The following RCBTB1 variants were observed in gnomAD, a reference collection of about 807,000 sequenced individuals.
RCBTB1 encodes RCC1 and BTB domain-containing protein 1.
Under a neutral mutation model 62.4 loss-of-function variants are expected in RCBTB1, and 46 were observed. The ratio of observed to expected loss-of-function variants is 0.74; its 90% CI spans 0.58 to 0.94. The LOEUF is 0.94. Ranked by LOEUF, RCBTB1 falls within the 40% of genes least tolerant of loss-of-function variation. RCBTB1 has a pLI of 0.00. For missense variants in RCBTB1, 565 were observed against 654.9 expected (o/e 0.86, Z 1.50); for synonymous variants, 222 against 245.8 (o/e 0.90, Z 0.91).
In RCBTB1 at chr13:49,559,978, C is replaced by T. The variant is rs775631456; in HGVS notation, c.384G>A (p.Lys128=). Residue 128 remains lysine, a synonymous_variant, in exon 5 of 13, where the codon AAG becomes AAA. Transcript: ENST00000378302. ...PVQVCTNLLI[K]QVVEVACGSH... Reference sequence around the variant, plus strand: ...AGCCACAAGCTACTTCCACCACTTGCTTGATCAAGAGATTGGTACAGACCT... The same window carrying T: ...AGCCACAAGCTACTTCCACCACTTGTTTGATCAAGAGATTGGTACAGACCT... 1 of 1,614,190 alleles carries T rather than the reference C, an allele frequency of 6.2e-7. No homozygotes were observed. Among genetic ancestry groups the T allele is most frequent in the South Asian group, 1.1e-5 (1 of 91,082 alleles).
intron 4 of RCBTB1, among the ~76,000 whole-genome samples, chr13:49,565,277 G>A (rs892118115): frequency 3.2e-4 from 49 of 152,300 alleles, no homozygotes; most frequent in African/African-American, 8.4e-4. Flanking sequence ...TCGGCCTCCC[G>A]AGGTGCCGAG....
chr13:49,575,456 G>GT (rs1164123701), intron 2 of RCBTB1, among the ~76,000 whole-genome samples: 1 of 149,098 alleles, frequency 6.7e-6, no homozygotes, highest in African/African-American at 2.5e-5. Flanking sequence ...AAATGCACCT[G>GT]TATGTTCATC....
rs1358944881 is a variant in RCBTB1, at chr13:49,559,886, A to G, written c.444+32T>C. On this transcript the variant is annotated intron_variant, in intron 5 of 12. Coordinates refer to ENST00000378302, the MANE Select transcript of RCBTB1 (RefSeq NM_018191.4). ...AGTGTATTTACTATGATGAAAAAAA[A>G]AAAGAATAAAGAATAAAAGCAGCAT... is the stretch of plus-strand genomic sequence containing the variant. 5 of 1,580,136 alleles carry G rather than the reference A, an allele frequency of 3.2e-6. No homozygotes were observed. In the African/African-American group the frequency reaches 6.9e-5, roughly 22 times the overall value.
intron 5 of RCBTB1, among the ~76,000 whole-genome samples, chr13:49,557,528 G>C (rs1962027626): frequency 6.6e-6 from 1 of 151,866 alleles, no homozygotes; most frequent in African/African-American, 2.4e-5. Context: ...AAATAAAATA[G>C]ACCTTAAGGA....
At chr13:49,535,512 T>A (rs776620487) in intron 12 of RCBTB1, among the ~76,000 whole-genome samples, 35 of 152,150 alleles carry the variant, frequency 2.3e-4, no homozygotes, top group African/African-American at 8.0e-4. Flanking sequence ...AAGCTCAACA[T>A]TTCAACTGCA....
chr13:49,576,176 G>A (rs1396566670), intron 2 of RCBTB1, among the ~76,000 whole-genome samples: 25 of 30,100 alleles, frequency 8.3e-4, no homozygotes, highest in African/African-American at 6.7e-4. Flanking sequence ...GACAGGCGTC[G>A]CAAAAAAAAA....
chr13:49,575,781 T>C (rs1050400300), intron 2 of RCBTB1, among the ~76,000 whole-genome samples: 7 of 152,134 alleles, frequency 4.6e-5, no homozygotes, highest in Admixed American at 1.3e-4. Context: ...AAACTACCTA[T>C]TGGATACTAT....
intron 1 of RCBTB1, among the ~76,000 whole-genome samples, chr13:49,583,386 A>ATGTGTG (rs6145049): frequency 8.7e-5 from 13 of 149,938 alleles, no homozygotes; most frequent in African/African-American, 2.7e-4. Context: ...GCTTTTGTGT[A>ATGTGTG]TGTGTGTGTG....
chr13:49,560,093 A>G lies in RCBTB1; in HGVS notation c.278-9T>C. On this transcript the variant is annotated splice_polypyrimidine_tract_variant and intron_variant, in intron 4 of 12. Coordinates refer to ENST00000378302, the MANE Select transcript of RCBTB1 (RefSeq NM_018191.4). ...GGCATAAACCACTCCATCTGTGCAC[A>G]CAAAGCACACAAAAAATCAGCTCCA... 1 of 1,607,042 alleles carries G rather than the reference A, an allele frequency of 6.2e-7. No individual in the cohort carries two copies. Among genetic ancestry groups the G allele is most frequent in the Middle Eastern group, 1.7e-4 (1 of 6,022 alleles).
intron 4 of RCBTB1, among the ~76,000 whole-genome samples, chr13:49,560,530 T>C (rs767587030): frequency 8.5e-5 from 13 of 152,072 alleles, no homozygotes; most frequent in Admixed American, 3.3e-4. Context: ...GGGAAAGAGA[T>C]AGACTGTTTA....
At chr13:49,541,028 G>A (rs906842919) in intron 11 of RCBTB1, 22 bp from the exon 12 acceptor site, 1 of 1,602,576 alleles carries the variant, frequency 6.2e-7, no homozygotes, top group Non-Finnish European at 8.5e-7. Context: ...ATATGTGAAA[G>A]GTTTAATCAA....
chr13:49,582,253 G>T (rs1167275848), intron 1 of RCBTB1, among the ~76,000 whole-genome samples: 1 of 152,108 alleles, frequency 6.6e-6, no homozygotes, highest in African/African-American at 2.4e-5. Context: ...TTGGGAGGCC[G>T]AGGCAGGTGG....
chr13:49,561,532 A>C (rs1302539804), intron 4 of RCBTB1, among the ~76,000 whole-genome samples: 2 of 152,202 alleles, frequency 1.3e-5, no homozygotes, highest in Non-Finnish European at 1.5e-5. Flanking sequence ...CAAACTAATG[A>C]GTGTTTTAAC....
At chr13:49,582,083 T>G (rs1964132046) in intron 1 of RCBTB1, among the ~76,000 whole-genome samples, 1 of 152,164 alleles carries the variant, frequency 6.6e-6, no homozygotes, top group Non-Finnish European at 1.5e-5. Flanking sequence ...GTTAGAGGCT[T>G]GAACATGTTT....
At chr13:49,550,967 G>A (rs936067580) in intron 8 of RCBTB1, among the ~76,000 whole-genome samples, 1 of 152,144 alleles carries the variant, frequency 6.6e-6, no homozygotes, top group Admixed American at 6.5e-5. Flanking sequence ...GCTGGGCATG[G>A]TGGTACACAC....
chr13:49,583,681 G>C (rs887812366), intron 1 of RCBTB1, among the ~76,000 whole-genome samples: 3 of 151,860 alleles, frequency 2.0e-5, no homozygotes, highest in Non-Finnish European at 4.4e-5. Flanking sequence ...TGAGTAGCTG[G>C]GACTACAGGC....
At position 49,572,996 on chromosome 13, in the gene RCBTB1, G is replaced by A. The variant is rs1487699213; in HGVS notation, c.-41-5676C>T. On this transcript the variant is annotated intron_variant, in intron 2 of 12. Transcript: ENST00000378302. ...GTACCTTGGTAAGTACCCTGAGCAA[G>A]GTAGCCCAACTCTCTTCCTTCCCAT... 2.6e-5 allele frequency among the ~76,000 whole-genome samples: 4 copies of A among 152,240 alleles called. No homozygotes were observed. The East Asian group carries it at 5.8e-4, about 22-fold the overall frequency.
At chr13:49,548,388 CA>C (rs1289018692) in intron 9 of RCBTB1, among the ~76,000 whole-genome samples, 2,098 of 80,212 alleles carry the variant, frequency 0.026, 40 homozygotes, top group African/African-American at 0.084. Flanking sequence ...GACTCCGTCT[CA>C]AAAAAAAAAA....
chr13:49,583,927 C>G (rs1276915129), intron 1 of RCBTB1, among the ~76,000 whole-genome samples: 1 of 152,178 alleles, frequency 6.6e-6, no homozygotes, highest in Non-Finnish European at 1.5e-5. Context: ...ATTCTAGACT[C>G]TGTGAGGCCC....
Sources: gnomAD v4.1 joint callset for allele counts (sites outside exome capture counted in the v4.1 genomes callset) on GRCh38, gnomAD v4.1.1 for gene constraint, MANE v1.5 for transcripts, NCBI Gene and HGNC (gene_info 2026-07-23, HGNC 2026-07-21) for gene names.